The following MRPS27 variants were observed in gnomAD, a reference collection of about 807,000 sequenced individuals.
The protein encoded by MRPS27 is small ribosomal subunit protein mS27.
MRPS27 carries 43 observed loss-of-function variants against 48.9 expected under a neutral mutation model. That is an observed-to-expected ratio of 0.88 (90% CI 0.69 to 1.13). The LOEUF is 1.13. Ranked by LOEUF, MRPS27 falls within the 50% of genes most tolerant of loss-of-function variation. The pLI, the probability that MRPS27 is intolerant of heterozygous loss-of-function variation, is 0.00. For synonymous variants in MRPS27, 188 were observed against 171.9 expected (o/e 1.09, Z -0.73); for missense variants, 467 against 476.3 (o/e 0.98, Z 0.18).
In MRPS27 at chr5:72,320,212, A is replaced by G. The variant is rs1750722578; in HGVS notation, c.10T>C (p.Ser4Pro). The change falls in exon 1 of 11, where the codon TCC (serine) becomes CCC (proline). Residue 4 changes from serine to proline, a missense_variant. Physicochemically the swap from Ser to Pro is moderately conservative, Grantham distance 74. Transcript: ENST00000261413. ...AGGAGCATCCCGCGCCGCACTATGG[A>G]GGCAGCCATCTTGGAGCGTACCAAA... is the stretch of plus-strand genomic sequence containing the variant. MAA[S>P]IVRRGMLLAR... The G allele has an allele frequency of 1.2e-6, 2 of 1,613,908 alleles. No homozygotes were observed. The highest frequency in any genetic ancestry group is 2.7e-5 in the African/African-American group (2 of 75,016).
intron 2 of MRPS27, among the ~76,000 whole-genome samples, chr5:72,304,007 T>C (rs905353813): frequency 6.6e-6 from 1 of 151,414 alleles, no homozygotes; most frequent in South Asian, 2.1e-4. Flanking sequence ...ATTGGTTAAA[T>C]TGGGGGGGAA....
At chr5:72,229,854 C>T (rs1047029223) in intron 7 of MRPS27, among the ~76,000 whole-genome samples, 4 of 152,152 alleles carry the variant, frequency 2.6e-5, no homozygotes, top group South Asian at 4.1e-4. Context: ...CATAAATTAA[C>T]AGATATCTTC....
chr5:72,295,779 A>G (rs924096804), intron 3 of MRPS27, among the ~76,000 whole-genome samples, 190 bp from the exon 4 acceptor site: 1 of 152,200 alleles, frequency 6.6e-6, no homozygotes, highest in African/African-American at 2.4e-5. Context: ...AATGCAAACA[A>G]AGAATATACA....
chr5:72,238,050 A>G lies in MRPS27; in HGVS notation c.360T>C (p.Asp120=), dbSNP rs1748249921. 1 of 1,613,566 alleles carries G rather than the reference A, an allele frequency of 6.2e-7. No homozygotes were observed. The highest frequency in any genetic ancestry group is 8.5e-7 in the Non-Finnish European group (1 of 1,179,632). The change falls in exon 5 of 11, where the codon GAT becomes GAC. Residue 120 remains aspartate (D), a synonymous_variant. Transcript: ENST00000261413. The stretch of plus-strand genomic sequence containing the variant: ...GGGTATATAGGGCTTTGTCTTGTGC[A>G]TCATATTTTAGACACTGCCTAATCC... The part of the protein sequence containing the change: ...HTWIRQCLKY[D]AQDKALYTLV...
chr5:72,256,904 G>A (rs1748824087), intron 4 of MRPS27, among the ~76,000 whole-genome samples: 1 of 152,164 alleles, frequency 6.6e-6, no homozygotes, highest in African/African-American at 2.4e-5. Context: ...ATTCTTGTAA[G>A]ATGCCGTGGT....
At chr5:72,303,424 A>G (rs1750175363) in intron 2 of MRPS27, among the ~76,000 whole-genome samples, 1 of 152,220 alleles carries the variant, frequency 6.6e-6, no homozygotes, top group African/African-American at 2.4e-5. Flanking sequence ...AGAACTGTAA[A>G]AGAGCAAAGA....
chr5:72,309,276 T>C (rs1374148808), intron 2 of MRPS27, among the ~76,000 whole-genome samples: 1 of 152,100 alleles, frequency 6.6e-6, no homozygotes, highest in African/African-American at 2.4e-5. Flanking sequence ...GCAGACTTTT[T>C]TTTTTTTGAG....
chr5:72,244,870 G>GCTCT (rs5868631), intron 4 of MRPS27, among the ~76,000 whole-genome samples: 52 of 149,710 alleles, frequency 3.5e-4, no homozygotes, highest in African/African-American at 6.6e-4. Flanking sequence ...AAGCTCTGCT[G>GCTCT]CTCTCTCTCT....
intron 2 of MRPS27, among the ~76,000 whole-genome samples, chr5:72,302,513 C>G (rs183240186): frequency 6.6e-6 from 1 of 152,302 alleles, no homozygotes; most frequent in Non-Finnish European, 1.5e-5. Context: ...AATAGGAATT[C>G]CATTGCTGGA....
chr5:72,318,662 C>T (rs1750633308), intron 1 of MRPS27, among the ~76,000 whole-genome samples: 1 of 152,036 alleles, frequency 6.6e-6, no homozygotes, highest in South Asian at 2.1e-4. Flanking sequence ...GGAGTGGTGG[C>T]GCATGCCTGT....
chr5:72,243,837 T>C (rs1748430556), intron 4 of MRPS27, among the ~76,000 whole-genome samples: 1 of 152,214 alleles, frequency 6.6e-6, no homozygotes, highest in South Asian at 2.1e-4. Flanking sequence ...AAAAAATTCA[T>C]ACGTTCAGTT....
intron 2 of MRPS27, among the ~76,000 whole-genome samples, chr5:72,309,749 C>T (rs1750388146): frequency 6.6e-6 from 1 of 152,164 alleles, no homozygotes; most frequent in Non-Finnish European, 1.5e-5. Context: ...TCGTCATTCC[C>T]TTATCTGTAC....
At chr5:72,249,797 C>G (rs779901835) in intron 4 of MRPS27, among the ~76,000 whole-genome samples, 23 of 151,170 alleles carry the variant, frequency 1.5e-4, no homozygotes, top group Non-Finnish European at 2.4e-4. Flanking sequence ...CTGGCTAACA[C>G]GGTGAAACCC....
At position 72,221,133 on chromosome 5, in the gene MRPS27, G is replaced by A; in HGVS notation, c.1021C>T (p.Leu341Phe). The change falls in exon 11 of 11, where the codon CTT becomes TTT. Residue 341 changes from leucine to phenylalanine, a missense_variant. Leu to Phe is a conservative substitution (Grantham distance 22). Coordinates refer to ENST00000261413, the MANE Select transcript of MRPS27 (RefSeq NM_015084.3). ...GACTCAATTTTGCCCAGAGCTTGAA[G>A]CTTAGAATGTAAGGCCTGTTGGAAA... Reference protein sequence around the residue: ...LERFKALHSKLQALGKIESEG... With the variant: ...LERFKALHSKFQALGKIESEG... 6.2e-7 allele frequency: 1 copy of A among 1,614,072 alleles called. No individual in the cohort carries two copies. The highest frequency in any genetic ancestry group is 8.5e-7 in the Non-Finnish European group (1 of 1,179,972).
chr5:72,282,970 G>A lies in MRPS27; in HGVS notation c.281+12561C>T, dbSNP rs56307979. Among the ~76,000 whole-genome samples, 1,342 of 152,246 alleles carry A rather than the reference G, an allele frequency of 8.8e-3. 28 individuals are homozygous for A. The highest frequency in any genetic ancestry group is 0.029 in the African/African-American group (1,205 of 41,536). On this transcript the variant is annotated intron_variant, in intron 4 of 10. Transcript: ENST00000261413. Reference sequence around the variant, plus strand: ...AATTTTAAAGTGAATAAAATTCTGCGTGAGAAACTAAACAAAAAGCCAGAG... The same window carrying A: ...AATTTTAAAGTGAATAAAATTCTGCATGAGAAACTAAACAAAAAGCCAGAG...
intron 4 of MRPS27, among the ~76,000 whole-genome samples, chr5:72,242,743 A>AG (rs141293624): frequency 0.015 from 2,191 of 150,966 alleles, 67 homozygotes; most frequent in African/African-American, 0.049. Context: ...CACCAAAAAT[A>AG]GGGGGGAAAA....
chr5:72,257,444 G>A (rs2046386752), intron 4 of MRPS27, among the ~76,000 whole-genome samples: 1 of 152,146 alleles, frequency 6.6e-6, no homozygotes, highest in Non-Finnish European at 1.5e-5. Context: ...GGCTGCTAGT[G>A]AAAAATTGAC....
intron 1 of MRPS27, 101 bp downstream of exon 1, chr5:72,320,048 C>T: frequency 1.6e-6 from 2 of 1,247,706 alleles, no homozygotes; most frequent in South Asian, 2.5e-5. Context: ...GCGTCCCTAG[C>T]AATCAGATTC....
chr5:72,291,911 A>G (rs1342027540), intron 4 of MRPS27, among the ~76,000 whole-genome samples: 2 of 152,220 alleles, frequency 1.3e-5, no homozygotes, highest in Non-Finnish European at 2.9e-5. Flanking sequence ...AAAACCACTC[A>G]TAAAGAGGTT....
Sources: allele counts gnomAD v4.1 joint callset (sites outside exome capture counted in the v4.1 genomes callset), GRCh38; gene constraint gnomAD v4.1.1; transcripts MANE v1.5; gene names NCBI Gene and HGNC (gene_info 2026-07-23, HGNC 2026-07-21).